The following EYS variants were observed in gnomAD, a reference collection of about 807,000 sequenced individuals.
The protein encoded by EYS is EGF-like photoreceptor maintenance factor, also known as protein eyes shut homolog.
In EYS, 250 loss-of-function variants were observed where a neutral mutation model predicts 282.1. The observed-to-expected ratio is 0.89, with a 90% confidence interval of 0.80 to 0.98. The LOEUF is 0.98. EYS is among the 50% of genes least tolerant of loss of function. The probability of loss-of-function intolerance (pLI) is 0.00; values close to 1 mark genes in which losing one functional copy is unlikely to be tolerated. For missense variants in EYS, 4,016 were observed against 3,709.0 expected, an observed-to-expected ratio of 1.08 and a Z score of -2.15; for synonymous variants, 1,355 against 1,282.9, an observed-to-expected ratio of 1.06 and a Z score of -1.20.
intron 8 of EYS, among the ~76,000 whole-genome samples, chr6:65,376,940 C>T (rs968009654): frequency 2.6e-5 from 4 of 152,116 alleles, no homozygotes; most frequent in Admixed American, 2.0e-4. Flanking sequence ...CTTTAACACT[C>T]CACTGTCAAT....
At position 63,721,363 on chromosome 6, in the gene EYS, A is replaced by G; in HGVS notation, c.8668T>C (p.Cys2890Arg). The G allele has an allele frequency of 3.2e-6, 5 of 1,551,844 alleles. No individual in the cohort carries two copies. The highest frequency in any genetic ancestry group is 4.4e-6 in the Non-Finnish European group (5 of 1,146,974). Residue 2890 changes from cysteine to arginine, a missense_variant, in exon 43 of 43, where the codon TGT becomes CGT. Physicochemically the swap from Cys to Arg is radical, Grantham distance 180 (BLOSUM62 -3). Coordinates refer to ENST00000503581, the MANE Select transcript of EYS (RefSeq NM_001142800.2). The part of the protein sequence containing the change: ...GYNTCRNGGE[C>R]TVNGTTFSCR... ...GAAAAAGTTGTGCCATTTACTGTAC[A>G]TTCACCTCCATTTCTGCATGTGTTG... is the stretch of plus-strand genomic sequence containing the variant.
chr6:65,188,485 T>C (rs1053544239), intron 12 of EYS, among the ~76,000 whole-genome samples: 1 of 151,528 alleles, frequency 6.6e-6, no homozygotes, highest in Non-Finnish European at 1.5e-5. Flanking sequence ...CCAGGGAAAA[T>C]ATTTTACAAT....
chr6:65,110,683 T>C (rs1372033115), intron 12 of EYS, among the ~76,000 whole-genome samples: 2 of 152,070 alleles, frequency 1.3e-5, no homozygotes, highest in Admixed American at 1.3e-4. Flanking sequence ...TTTAAAAATG[T>C]GTATCTTTTT....
chr6:64,295,102 C>T (rs920097397), intron 30 of EYS, among the ~76,000 whole-genome samples: 2 of 151,384 alleles, frequency 1.3e-5, no homozygotes, highest in East Asian at 2.0e-4. Context: ...TGGCCGGGCA[C>T]GGTGGCTCAC....
chr6:64,175,219 CTA>C (rs1423114161), intron 31 of EYS, among the ~76,000 whole-genome samples: 1 of 152,016 alleles, frequency 6.6e-6, no homozygotes, highest in Non-Finnish European at 1.5e-5. Context: ...TTCTATGCCT[CTA>C]TTTGATATTA....
Position 65,092,751 on chromosome 6 carries a change from C to G in EYS, c.2024-35024G>C, listed in dbSNP as rs148870669. 2.7e-3 allele frequency among the ~76,000 whole-genome samples: 407 copies of G among 152,184 alleles called. 4 individuals carry two copies. The highest frequency in any genetic ancestry group is 6.8e-3 in the Middle Eastern group (2 of 294). ...TTGACTACTTACAGCGCAGGAAGAT[C>G]TAACACAGGTCATTTGCAATTGTGC... On this transcript the variant is annotated intron_variant, in intron 12 of 42. Transcript: ENST00000503581.
chr6:64,171,306 G>A (rs1004745840), intron 31 of EYS, among the ~76,000 whole-genome samples: 1 of 152,052 alleles, frequency 6.6e-6, no homozygotes, highest in Non-Finnish European at 1.5e-5. Flanking sequence ...AATCTTATAG[G>A]GATCTGTGGG....
chr6:64,522,517 G>C (rs1049843629), intron 26 of EYS, among the ~76,000 whole-genome samples: 3 of 151,688 alleles, frequency 2.0e-5, no homozygotes, highest in Admixed American at 6.6e-5. Context: ...AAGACAAATT[G>C]AATGTATCTG....
At chr6:64,090,037 C>T (rs545095096) in intron 31 of EYS, among the ~76,000 whole-genome samples, 4 of 152,198 alleles carry the variant, frequency 2.6e-5, no homozygotes, top group African/African-American at 9.6e-5. Flanking sequence ...ATCTGAGGCC[C>T]CAAAGCTCTG....
chr6:64,096,559 T>C (rs1029278356), intron 31 of EYS, among the ~76,000 whole-genome samples: 9 of 152,238 alleles, frequency 5.9e-5, no homozygotes, highest in African/African-American at 2.2e-4. Context: ...CTGAGGCTTG[T>C]GCATTCGTCA....
chr6:64,333,854 C>T (rs920166197), intron 29 of EYS, among the ~76,000 whole-genome samples: 47 of 152,154 alleles, frequency 3.1e-4, no homozygotes, highest in Admixed American at 2.7e-3. Flanking sequence ...CTAACAATTT[C>T]GGAGTTACTT....
intron 22 of EYS, among the ~76,000 whole-genome samples, chr6:64,708,949 A>C (rs1771118497): frequency 6.6e-6 from 1 of 152,168 alleles, no homozygotes; most frequent in African/African-American, 2.4e-5. Context: ...CCAGTTTTTG[A>C]CATCGTGTTT....
chr6:63,990,626 G>A (rs944908732), intron 34 of EYS, among the ~76,000 whole-genome samples: 1 of 151,614 alleles, frequency 6.6e-6, no homozygotes, highest in Non-Finnish European at 1.5e-5. Context: ...ACAGTCTCTT[G>A]TCCTGGCTTG....
intron 22 of EYS, among the ~76,000 whole-genome samples, chr6:64,664,958 A>G (rs1769178234): frequency 6.6e-6 from 1 of 152,214 alleles, no homozygotes; most frequent in Admixed American, 6.5e-5. Flanking sequence ...ACCTATATTA[A>G]TATACATCTA....
intron 12 of EYS, among the ~76,000 whole-genome samples, chr6:65,295,101 C>T (rs752169585): frequency 1.6e-4 from 24 of 151,716 alleles, no homozygotes; most frequent in Non-Finnish European, 2.9e-4. Flanking sequence ...AATAACTTTT[C>T]GAATTGGGTC....
intron 2 of EYS, among the ~76,000 whole-genome samples, chr6:65,632,093 A>G (rs1766933463): frequency 2.0e-5 from 3 of 152,174 alleles, no homozygotes; most frequent in Non-Finnish European, 4.4e-5. Flanking sequence ...AGAGCCTAAC[A>G]CTTAACTGCC....
intron 22 of EYS, among the ~76,000 whole-genome samples, chr6:64,805,857 T>G (rs1764405779): frequency 1.3e-5 from 2 of 151,512 alleles, no homozygotes; most frequent in Non-Finnish European, 3.0e-5. Flanking sequence ...ATTCTAGTAA[T>G]TTTATTTAAA....
At chr6:64,338,515 T>C (rs940519808) in intron 29 of EYS, among the ~76,000 whole-genome samples, 2 of 152,012 alleles carry the variant, frequency 1.3e-5, no homozygotes, top group Admixed American at 6.6e-5. Flanking sequence ...CCTAAGCTCA[T>C]GGATGGGTAG....
intron 31 of EYS, among the ~76,000 whole-genome samples, chr6:64,159,765 C>T (rs1216433677): frequency 6.6e-6 from 1 of 151,860 alleles, no homozygotes; most frequent in Non-Finnish European, 1.5e-5. Flanking sequence ...TGTGGCTCTT[C>T]TTTCCGTATT....
Sources: gnomAD v4.1 joint callset for allele counts (sites outside exome capture counted in the v4.1 genomes callset) on GRCh38, gnomAD v4.1.1 for gene constraint, MANE v1.5 for transcripts, NCBI Gene and HGNC (gene_info 2026-07-23, HGNC 2026-07-21) for gene names.